Variants in FAM185A observed in about 807,000 individuals in gnomAD.
The protein encoded by FAM185A is family with sequence similarity 185 member A, also known as protein FAM185A.
Under a neutral mutation model 45.7 loss-of-function variants are expected in FAM185A, and 21 were observed. The observed-to-expected ratio is 0.46, with a 90% CI of 0.33 to 0.66. The LOEUF (loss-of-function observed/expected upper bound fraction) is 0.66, where lower values mean the gene tolerates loss of function less well. Ranked by LOEUF, FAM185A falls within the 30% of genes least tolerant of loss-of-function variation. The probability of loss-of-function intolerance (pLI) is 0.03; values close to 1 mark genes in which losing one functional copy is unlikely to be tolerated. For missense variants in FAM185A, 305 were observed against 485.4 expected, an observed-to-expected ratio of 0.63 and a Z score of 3.49; for synonymous variants, 117 against 194.0, an observed-to-expected ratio of 0.60 and a Z score of 3.30.
chr7:102,817,093 G>T, the FAM185A span, among the ~76,000 whole-genome samples: 6 of 152,278 alleles, frequency 3.9e-5, no homozygotes, highest in South Asian at 8.3e-4. Flanking sequence ...CTTTTTGATA[G>T]AATTATTTCT....
chr7:102,848,976 G>A, the FAM185A span, among the ~76,000 whole-genome samples: 1 of 152,022 alleles, frequency 6.6e-6, no homozygotes, highest in Non-Finnish European at 1.5e-5. Context: ...CTCCAGCTTG[G>A]GCAACAAGAG....
chr7:102,819,546 G>T, the FAM185A span, among the ~76,000 whole-genome samples: 4 of 152,154 alleles, frequency 2.6e-5, no homozygotes, highest in Admixed American at 2.6e-4. Flanking sequence ...GAGTATGAGT[G>T]AATTTATGTA....
the FAM185A span, among the ~76,000 whole-genome samples, chr7:102,846,197 TA>T: frequency 1.4e-4 from 22 of 151,890 alleles, no homozygotes; most frequent in East Asian, 3.9e-4. Context: ...CCTCATCATT[TA>T]AAAAAAAATT....
the FAM185A span, chr7:102,833,060 TCA>T: frequency 7.0e-7 from 1 of 1,420,676 alleles, no homozygotes. Flanking sequence ...AATGTACATT[TCA>T]GTCCCTGAAA....
Position 102,808,465 on chromosome 7 carries a change from G to T in FAM185A, c.*63G>T. On this transcript the variant is annotated 3_prime_UTR_variant, in exon 8 of 8. Transcript: ENST00000413034. The stretch of plus-strand genomic sequence containing the variant: ...TTCGCAGATCTGTGACTACAAAAAT[G>T]TAAATCCCACCATTCATATAAAGGT... 1.0e-6 allele frequency: 1 copy of T among 992,052 alleles called. No individual in the cohort carries two copies. The highest frequency in any genetic ancestry group is 1.6e-6 in the Non-Finnish European group (1 of 641,122). 61.5% of individuals were successfully genotyped at this position (992,052 alleles called of 1,614,324 possible).
At chr7:102,784,379 A>C (rs1298390516) in intron 6 of FAM185A, among the ~76,000 whole-genome samples, 3 of 151,946 alleles carry the variant, frequency 2.0e-5, no homozygotes, top group Non-Finnish European at 4.4e-5. Flanking sequence ...GAGACACACA[A>C]AAAAAGAGAA....
intron 2 of FAM185A, among the ~76,000 whole-genome samples, chr7:102,754,192 A>G (rs1487353854): frequency 7.2e-6 from 1 of 139,438 alleles, no homozygotes; most frequent in Non-Finnish European, 1.5e-5. Flanking sequence ...GTTGACCTAC[A>G]TAATAAAAAA....
chr7:102,793,587 A>G (rs1239932156), intron 7 of FAM185A, among the ~76,000 whole-genome samples: 1 of 151,952 alleles, frequency 6.6e-6, no homozygotes, highest in African/African-American at 2.4e-5. Context: ...TCAGATGTCA[A>G]TGTTGTTAAT....
the FAM185A span, among the ~76,000 whole-genome samples, chr7:102,840,598 A>G: frequency 2.8e-4 from 43 of 152,328 alleles, no homozygotes; most frequent in Non-Finnish European, 5.1e-4. Context: ...ACAGCATCCT[A>G]TGACCTCTTC....
intron 7 of FAM185A, among the ~76,000 whole-genome samples, chr7:102,794,693 A>G: frequency 6.6e-6 from 1 of 152,240 alleles, no homozygotes; most frequent in Non-Finnish European, 1.5e-5. Context: ...ACTTATGTTC[A>G]CACAAAAACC....
Position 102,783,842 on chromosome 7 carries a change from A to G in FAM185A, c.932-3493A>G, listed in dbSNP as rs566359119. 3.7e-3 allele frequency among the ~76,000 whole-genome samples: 571 copies of G among 152,334 alleles called. 5 individuals are homozygous for G. Among genetic ancestry groups the G allele is most frequent in the African/African-American group, 0.014 (562 of 41,568 alleles). On this transcript the variant is annotated intron_variant, in intron 6 of 7. Coordinates refer to ENST00000413034, the MANE Select transcript of FAM185A (RefSeq NM_001145268.2). ...AAGAAATAACTAAGATCAGAGCAGA[A>G]CTGAAGGAAATAGAGACACAAAAAA...
Position 102,802,499 on chromosome 7 carries a change from A to G in FAM185A, c.1067-5791A>G, listed in dbSNP as rs546537646. 8.5e-5 allele frequency among the ~76,000 whole-genome samples: 13 copies of G among 152,334 alleles called. No homozygotes were observed. In the South Asian group the frequency reaches 2.3e-3, roughly 27 times the overall value. On this transcript the variant is annotated intron_variant, in intron 7 of 7. Coordinates refer to ENST00000413034, the MANE Select transcript of FAM185A (RefSeq NM_001145268.2). ...TAAAAATTCTTTGAACTGAAGGACA[A>G]TAGTGACACAGCCTATCAAAACTTC...
intron 1 of FAM185A, among the ~76,000 whole-genome samples, chr7:102,750,556 T>A (rs1295937528): frequency 6.6e-6 from 1 of 152,216 alleles, no homozygotes; most frequent in Non-Finnish European, 1.5e-5. Flanking sequence ...TATATTGTTA[T>A]AATTGCTGTA....
At chr7:102,849,600 C>A in the FAM185A span, among the ~76,000 whole-genome samples, 8 of 152,220 alleles carry the variant, frequency 5.3e-5, no homozygotes, top group African/African-American at 1.4e-4. Context: ...CTAAACATCT[C>A]AATTTACTCA....
At chr7:102,831,431 A>ACACACACACCCCCCC in the FAM185A span, among the ~76,000 whole-genome samples, 1 of 147,126 alleles carries the variant, frequency 6.8e-6, no homozygotes, top group African/African-American at 2.5e-5. Flanking sequence ...ACACACACAC[A>ACACACACACCCCCCC]CCCCACTACA....
chr7:102,806,753 G>A (rs1255948746), intron 7 of FAM185A, among the ~76,000 whole-genome samples: 1 of 152,172 alleles, frequency 6.6e-6, no homozygotes. Context: ...AGAAACAAAC[G>A]AGGGGAGCTT....
chr7:102,843,480 G>C, the FAM185A span, among the ~76,000 whole-genome samples: 2 of 151,868 alleles, frequency 1.3e-5, no homozygotes, highest in African/African-American at 4.8e-5. Flanking sequence ...ACCTGCCACA[G>C]CTTTTAAAGA....
intron 4 of FAM185A, among the ~76,000 whole-genome samples, chr7:102,766,951 C>T (rs1433363033): frequency 6.6e-6 from 1 of 151,734 alleles, no homozygotes; most frequent in Non-Finnish European, 1.5e-5. Flanking sequence ...CCTGCTACCA[C>T]GCCTGGCTAA....
the FAM185A span, among the ~76,000 whole-genome samples, chr7:102,828,248 T>C: frequency 6.6e-6 from 1 of 152,180 alleles, no homozygotes; most frequent in Non-Finnish European, 1.5e-5. Context: ...TTGTATCCTC[T>C]TTTATTTCAT....
Sources: gnomAD v4.1 joint callset for allele counts (sites outside exome capture counted in the v4.1 genomes callset) on GRCh38, gnomAD v4.1.1 for gene constraint, MANE v1.5 for transcripts, NCBI Gene and HGNC (gene_info 2026-07-23, HGNC 2026-07-21) for gene names.